Variants in SLC25A21 observed in about 807,000 individuals in gnomAD.
SLC25A21 encodes the protein solute carrier family 25 member 21.
In SLC25A21, 47 loss-of-function variants were observed where a neutral mutation model predicts 43.8. That is an observed-to-expected ratio of 1.07 (90% CI 0.85 to 1.37). SLC25A21 has a LOEUF of 1.37. SLC25A21 is among the 40% of genes most tolerant of loss of function. SLC25A21 has a pLI of 0.00. For synonymous variants in SLC25A21, 131 were observed against 121.3 expected (o/e 1.08, Z -0.52); for missense variants, 352 against 350.2 (o/e 1.00, Z -0.04).
At chr14:36,780,690 T>C (rs1325467255) in intron 3 of SLC25A21, among the ~76,000 whole-genome samples, 1 of 152,120 alleles carries the variant, frequency 6.6e-6, no homozygotes, top group Admixed American at 6.5e-5. Context: ...GGAAAAGATA[T>C]GTGACATTAT....
intron 1 of SLC25A21, among the ~76,000 whole-genome samples, chr14:37,000,354 T>C (rs1385708756): frequency 6.6e-6 from 1 of 152,130 alleles, no homozygotes; most frequent in Admixed American, 6.6e-5. Flanking sequence ...ACTGTCTCTT[T>C]ACAAAATAGT....
chr14:36,880,480 T>C (rs1362896479), intron 1 of SLC25A21, among the ~76,000 whole-genome samples: 1 of 149,022 alleles, frequency 6.7e-6, no homozygotes, highest in Non-Finnish European at 1.5e-5. Flanking sequence ...CACTGTTTCT[T>C]TTCTTATCTA....
intron 1 of SLC25A21, among the ~76,000 whole-genome samples, chr14:37,167,908 C>G (rs1964057266): frequency 6.6e-6 from 1 of 151,858 alleles, no homozygotes; most frequent in Non-Finnish European, 1.5e-5. Flanking sequence ...CCCCCCACCC[C>G]CTAATGCTTG....
intron 1 of SLC25A21, among the ~76,000 whole-genome samples, chr14:36,918,679 A>C (rs757791206): frequency 3.9e-5 from 6 of 152,090 alleles, no homozygotes; most frequent in Non-Finnish European, 8.8e-5. Flanking sequence ...AATACAAACA[A>C]ATTTCATACT....
chr14:36,817,293 G>A (rs778087284), intron 2 of SLC25A21, among the ~76,000 whole-genome samples: 18 of 152,144 alleles, frequency 1.2e-4, no homozygotes, highest in Admixed American at 2.0e-4. Flanking sequence ...GTTCACGAGG[G>A]GAGCAATTAC....
chr14:36,821,945 T>A (rs1888652487), intron 2 of SLC25A21, among the ~76,000 whole-genome samples: 1 of 152,186 alleles, frequency 6.6e-6, no homozygotes, highest in South Asian at 2.1e-4. Context: ...AGGGTGTGGT[T>A]TATAGTTCCA....
At chr14:36,901,008 A>C (rs1356555796) in intron 1 of SLC25A21, among the ~76,000 whole-genome samples, 1 of 152,192 alleles carries the variant, frequency 6.6e-6, no homozygotes, top group Non-Finnish European at 1.5e-5. Flanking sequence ...TTCTCAAGCC[A>C]ATATATGCTA....
chr14:36,948,491 A>C (rs1472380562), intron 1 of SLC25A21, among the ~76,000 whole-genome samples: 1 of 152,186 alleles, frequency 6.6e-6, no homozygotes, highest in East Asian at 1.9e-4. Flanking sequence ...AATAATAAAG[A>C]ATCATTGAAT....
intron 5 of SLC25A21, among the ~76,000 whole-genome samples, chr14:36,726,637 G>GA (rs1290706292): frequency 2.6e-5 from 4 of 152,222 alleles, no homozygotes; most frequent in Admixed American, 6.5e-5. Flanking sequence ...CCTCTAGGTA[G>GA]AATGCTTGTG....
chr14:37,048,831 A>T (rs1422036520), intron 1 of SLC25A21, among the ~76,000 whole-genome samples: 1 of 152,230 alleles, frequency 6.6e-6, no homozygotes, highest in Non-Finnish European at 1.5e-5. Context: ...CCTTGGATTT[A>T]GCCACTGAGA....
At chr14:37,000,738 T>C (rs903188340) in intron 1 of SLC25A21, among the ~76,000 whole-genome samples, 1 of 152,134 alleles carries the variant, frequency 6.6e-6, no homozygotes, top group Non-Finnish European at 1.5e-5. Flanking sequence ...CCCCTTGCTA[T>C]TTTTGTGATG....
chr14:36,931,468 T>C (rs777742575), intron 1 of SLC25A21, among the ~76,000 whole-genome samples: 11 of 152,142 alleles, frequency 7.2e-5, no homozygotes, highest in Non-Finnish European at 1.2e-4. Context: ...TAAATGTGGC[T>C]ATTGCTTTAG....
intron 1 of SLC25A21, among the ~76,000 whole-genome samples, chr14:37,018,456 T>G (rs1960911002): frequency 6.6e-6 from 1 of 152,188 alleles, no homozygotes; most frequent in African/African-American, 2.4e-5. Context: ...TCCATATACA[T>G]ACACAATTTT....
chr14:36,775,720 CCCGT>C (rs1334117232), intron 3 of SLC25A21, among the ~76,000 whole-genome samples: 1 of 152,152 alleles, frequency 6.6e-6, no homozygotes, highest in Admixed American at 6.5e-5. Flanking sequence ...TCTACTTTCT[CCCGT>C]TGTTAAAGGC....
intron 6 of SLC25A21, among the ~76,000 whole-genome samples, chr14:36,712,219 A>G (rs917531254): frequency 2.0e-5 from 3 of 152,332 alleles, no homozygotes; most frequent in African/African-American, 7.2e-5. Context: ...ACAATTCATT[A>G]CAATACAATT....
chr14:36,771,448 G>C (rs1368775045), intron 3 of SLC25A21, among the ~76,000 whole-genome samples: 1 of 152,016 alleles, frequency 6.6e-6, no homozygotes, highest in African/African-American at 2.4e-5. Flanking sequence ...AATGGCTCAA[G>C]GTATGTAAAC....
chr14:37,006,011 T>A (rs1002551578), intron 1 of SLC25A21, among the ~76,000 whole-genome samples: 1 of 152,184 alleles, frequency 6.6e-6, no homozygotes, highest in African/African-American at 2.4e-5. Context: ...CATACTTGCA[T>A]TTATGCCTAA....
intron 1 of SLC25A21, among the ~76,000 whole-genome samples, chr14:37,099,046 G>A (rs936985829): frequency 6.6e-6 from 1 of 151,824 alleles, no homozygotes; most frequent in Non-Finnish European, 1.5e-5. Context: ...CAAGTGATCC[G>A]CCTGCCTCGG....
At chr14:37,147,692 A>G (rs1247978176) in intron 1 of SLC25A21, among the ~76,000 whole-genome samples, 2 of 150,284 alleles carry the variant, frequency 1.3e-5, no homozygotes, top group Non-Finnish European at 2.9e-5. Context: ...CATGAATTGC[A>G]TAACATTGTT....
Sources: gnomAD v4.1 joint callset for allele counts (sites outside exome capture counted in the v4.1 genomes callset) on GRCh38, gnomAD v4.1.1 for gene constraint, MANE v1.5 for transcripts, NCBI Gene and HGNC (gene_info 2026-07-23, HGNC 2026-07-21) for gene names.